Variants in GPR155 observed in about 807,000 individuals in gnomAD.
GPR155 encodes the protein G protein-coupled receptor 155, also known as lysosomal cholesterol signaling protein.
Under a neutral mutation model 93.1 loss-of-function variants are expected in GPR155, and 65 were observed. That is an observed-to-expected ratio of 0.70 (90% CI 0.57 to 0.86). The LOEUF (loss-of-function observed/expected upper bound fraction) is 0.86. Ranked by LOEUF, GPR155 falls within the 40% of genes least tolerant of loss-of-function variation. GPR155 has a pLI of 0.00. For missense variants in GPR155, 838 were observed against 1,034.8 expected (o/e 0.81, Z 2.61); for synonymous variants, 319 against 360.1 (o/e 0.89, Z 1.29).
intron 11 of GPR155, among the ~76,000 whole-genome samples, chr2:174,451,552 T>C (rs900215808): frequency 1.3e-5 from 2 of 152,190 alleles, no homozygotes; most frequent in Non-Finnish European, 2.9e-5. Context: ...CTAAATTGTA[T>C]GATTAGATGA....
chr2:174,446,162 C>T (rs1687117884), intron 12 of GPR155, among the ~76,000 whole-genome samples: 1 of 151,832 alleles, frequency 6.6e-6, no homozygotes, highest in East Asian at 1.9e-4. Context: ...CAAAAATTAG[C>T]CAGGCATGGT....
At chr2:174,473,847 G>T (rs963724028) in intron 2 of GPR155, among the ~76,000 whole-genome samples, 1 of 152,220 alleles carries the variant, frequency 6.6e-6, no homozygotes, top group African/African-American at 2.4e-5. Context: ...GAGCACGGAT[G>T]TGGAATCCAA....
chr2:174,481,883 G>A lies in GPR155; in HGVS notation c.74C>T (p.Thr25Met), dbSNP rs1405455537. 9.3e-6 allele frequency: 15 copies of A among 1,613,920 alleles called. No individual in the cohort carries two copies. The highest frequency in any genetic ancestry group is 2.2e-5 in the East Asian group (1 of 44,886). ...GTCATTAGTGGAATTAAATCCATGC[G>A]TTACTGCTGTAGGCAAAGTCTTGGT... ...NMTKTLPTAV[T>M]HGFNSTNDPP... Residue 25 changes from threonine (T) to methionine (M), a missense_variant, in exon 2 of 16, where the codon ACG becomes ATG. Coordinates refer to ENST00000392552, the MANE Select transcript of GPR155 (RefSeq NM_152529.7).
intron 7 of GPR155, among the ~76,000 whole-genome samples, chr2:174,464,529 A>C (rs1042152881): frequency 6.6e-6 from 1 of 151,922 alleles, no homozygotes; most frequent in African/African-American, 2.4e-5. Context: ...GTTAAAGGGC[A>C]CCTTTATTGG....
intron 10 of GPR155, among the ~76,000 whole-genome samples, chr2:174,454,636 A>G (rs1285032583): frequency 7.2e-6 from 1 of 139,704 alleles, no homozygotes; most frequent in African/African-American, 2.6e-5. Flanking sequence ...GAAGGAAGGA[A>G]GGAAGGAAGG....
chr2:174,465,860 C>G lies in GPR155; in HGVS notation c.1309G>C (p.Glu437Gln). 7 of 1,604,396 alleles carry G rather than the reference C, an allele frequency of 4.4e-6. No individual in the cohort carries two copies. The highest frequency in any genetic ancestry group is 6.0e-6 in the Non-Finnish European group (7 of 1,172,242). The change falls in exon 7 of 16, where the codon GAA becomes CAA. Residue 437 changes from glutamate to glutamine, a missense_variant. Physicochemically the swap from Glu to Gln is conservative, Grantham distance 29 (BLOSUM62 2). Around this residue, in one of 3 missense-constraint regions of GPR155, gnomAD observed 663 missense variants for 790.1 expected, o/e 0.84. Transcript: ENST00000392552. ...AAAATTTGTCCAACAAAATTTTTTT[C>G]TTTAACAAAATTCCATATCATCATT... ...AGMMIWNFVKEKNFVGQILVF... is the reference protein window; with the variant it reads ...AGMMIWNFVKQKNFVGQILVF...
intron 9 of GPR155, 30 bp from the exon 10 acceptor site, chr2:174,460,118 A>G (rs1460041503): frequency 1.4e-6 from 2 of 1,385,130 alleles, no homozygotes; most frequent in Admixed American, 1.9e-5. Flanking sequence ...ATATCAGGCC[A>G]CTTTTCACAA....
In GPR155 at chr2:174,470,455, C is replaced by G. The variant is rs1389174255; in HGVS notation, c.961G>C (p.Gly321Arg). 1 of 1,613,600 alleles carries G rather than the reference C, an allele frequency of 6.2e-7. No individual in the cohort carries two copies. Among genetic ancestry groups the G allele is most frequent in the South Asian group, 1.1e-5 (1 of 91,054 alleles). ...TSLSNYAFLY[G>R]VFPVAPGVAI... ...ACTCCTGGTGCTACAGGAAATACAC[C>G]ATACAGAAATGCATAATTTGATAAA... Residue 321 changes from glycine to arginine, a missense_variant, in exon 4 of 16, where the codon GGT becomes CGT. Around this residue, in one of 3 missense-constraint regions of GPR155, gnomAD observed 663 missense variants for 790.1 expected, o/e 0.84. Transcript: ENST00000392552.
At chr2:174,439,868 G>T in intron 15 of GPR155, 30 bp downstream of exon 15, 1 of 1,585,748 alleles carries the variant, frequency 6.3e-7, no homozygotes, top group Non-Finnish European at 8.6e-7. Flanking sequence ...AAATATAATT[G>T]TCTAGAACCT....
rs866562603 is a variant in GPR155, at chr2:174,470,303, A to G, written c.1026+87T>C. On this transcript the variant is annotated intron_variant, in intron 4 of 15. Transcript: ENST00000392552. ...CGTCGTCTCTATTTTTTCATTTTTA[A>G]AAAAGAATTTTAAAAAATTTGAAAT... The G allele has an allele frequency of 4.5e-5, 51 of 1,125,244 alleles. No homozygotes were observed. In the African/African-American group the frequency reaches 6.2e-4, roughly 14 times the overall value. The allele number at this position is 1,125,244 out of a possible 1,614,324, so 69.7% of individuals were successfully genotyped here.
chr2:174,443,606 G>A (rs990045692), intron 13 of GPR155, among the ~76,000 whole-genome samples: 2 of 152,148 alleles, frequency 1.3e-5, no homozygotes, highest in Non-Finnish European at 2.9e-5. Flanking sequence ...GCAGGTGCCT[G>A]TAGTCCTAGC....
intron 11 of GPR155, among the ~76,000 whole-genome samples, chr2:174,447,506 AATC>A (rs929289598): frequency 6.8e-6 from 1 of 146,148 alleles, no homozygotes; most frequent in East Asian, 1.9e-4. Flanking sequence ...TATATATTAT[AATC>A]ATATAAATTT....
At position 174,433,291 on chromosome 2, in the gene GPR155, G is replaced by A. The variant is rs1270025669; in HGVS notation, c.*2825C>T. 6.6e-6 allele frequency: 1 copy of A among 152,136 alleles called. No individual in the cohort carries two copies. Among genetic ancestry groups the A allele is most frequent in the Non-Finnish European group, 1.5e-5 (1 of 68,026 alleles). 9.4% of individuals were successfully genotyped at this position (152,136 alleles called of 1,614,324 possible). ...AATTTACTGAAGATAAAGTTTACCT[G>A]AAGATGCTATGGTCTAAATGTCTGT... is the stretch of plus-strand genomic sequence containing the variant. On this transcript the variant is annotated 3_prime_UTR_variant, in exon 16 of 16. Coordinates refer to ENST00000392552, the MANE Select transcript of GPR155 (RefSeq NM_152529.7).
chr2:174,462,802 C>A (rs914101841), intron 7 of GPR155, among the ~76,000 whole-genome samples: 2 of 152,166 alleles, frequency 1.3e-5, no homozygotes, highest in Non-Finnish European at 2.9e-5. Context: ...TTGAACTTTC[C>A]TTACAACTTA....
intron 15 of GPR155, among the ~76,000 whole-genome samples, chr2:174,439,658 T>C (rs947814146): frequency 6.6e-6 from 1 of 152,210 alleles, no homozygotes; most frequent in Non-Finnish European, 1.5e-5. Flanking sequence ...GTTCACATTT[T>C]ATATGGCAAT....
intron 12 of GPR155, among the ~76,000 whole-genome samples, chr2:174,445,808 A>C (rs1462721894): frequency 6.6e-6 from 1 of 152,126 alleles, no homozygotes; most frequent in South Asian, 2.1e-4. Flanking sequence ...AGGGTCTATT[A>C]TATGAAGTAG....
intron 12 of GPR155, 142 bp downstream of exon 12, chr2:174,446,469 T>C: frequency 2.9e-6 from 2 of 682,198 alleles, no homozygotes; most frequent in South Asian, 2.0e-5. Context: ...CCTGCAATTA[T>C]TTAGCTCAAG....
intron 13 of GPR155, among the ~76,000 whole-genome samples, chr2:174,444,811 A>G (rs1288221614): frequency 6.6e-6 from 1 of 152,040 alleles, no homozygotes; most frequent in Non-Finnish European, 1.5e-5. Flanking sequence ...GTGACTTATT[A>G]AGATCACACC....
rs182724259 is a variant in GPR155 at position 174,449,812 on chromosome 2, C to T, written c.1877-3065G>A. Among the ~76,000 whole-genome samples, 346 of 152,108 alleles carry T rather than the reference C, an allele frequency of 2.3e-3. 3 individuals are homozygous for T. Among genetic ancestry groups the T allele is most frequent in the African/African-American group, 7.2e-3 (300 of 41,500 alleles). On this transcript the variant is annotated intron_variant, in intron 11 of 15. Transcript: ENST00000392552. ...CCAATATGGTGAAATCCCGTCTCTA[C>T]TAAAAATATAAAAATTAGCCGGGCA...
Sources: gnomAD v4.1 joint callset for allele counts (sites outside exome capture counted in the v4.1 genomes callset) on GRCh38, gnomAD v4.1.1 for gene constraint, gnomAD v4.1.1 regional missense constraint, MANE v1.5 for transcripts, NCBI Gene and HGNC (gene_info 2026-07-23, HGNC 2026-07-21) for gene names.